The following AKAP6 variants were observed in gnomAD, a reference collection of about 807,000 sequenced individuals.
AKAP6 encodes A-kinase anchoring protein 6.
Under a neutral mutation model 188.5 loss-of-function variants are expected in AKAP6, and 58 were observed. The ratio of observed to expected loss-of-function variants is 0.31; its 90% CI spans 0.25 to 0.38. The LOEUF is 0.38. AKAP6 is among the 10% of genes least tolerant of loss of function. The pLI is 1.00. For synonymous variants in AKAP6, 989 were observed against 998.6 expected, an observed-to-expected ratio of 0.99 and a Z score of 0.18; for missense variants, 2,710 against 2,740.0, an observed-to-expected ratio of 0.99 and a Z score of 0.24.
rs1882502463 is a variant in AKAP6, at chr14:32,533,212, G to A, written c.325-2342G>A. ...AGAGAGAGTGAAATGTGAACCACTT[G>A]CATTCTTCAGTGTAATGTAGAGGAG... On this transcript the variant is annotated intron_variant, in intron 2 of 13. Transcript: ENST00000280979. Among the ~76,000 whole-genome samples the A allele has an allele frequency of 2.0e-5, 3 of 152,168 alleles. No homozygotes were observed. The South Asian group carries it at 6.2e-4, about 32-fold the overall frequency.
intron 12 of AKAP6, among the ~76,000 whole-genome samples, chr14:32,791,141 G>T (rs935837203): frequency 6.6e-6 from 1 of 152,140 alleles, no homozygotes; most frequent in African/African-American, 2.4e-5. Flanking sequence ...TCAGTAATGG[G>T]ATTGCTGGGT....
At chr14:32,454,241 T>C (rs1449412180) in intron 2 of AKAP6, among the ~76,000 whole-genome samples, 1 of 152,206 alleles carries the variant, frequency 6.6e-6, no homozygotes, top group Non-Finnish European at 1.5e-5. Context: ...AAAATATATC[T>C]GATAGAAGCT....
At chr14:32,648,898 A>G (rs1323233411) in intron 7 of AKAP6, among the ~76,000 whole-genome samples, 1 of 152,178 alleles carries the variant, frequency 6.6e-6, no homozygotes, top group Non-Finnish European at 1.5e-5. Flanking sequence ...TTTACCAAAA[A>G]AAAGACATTG....
intron 12 of AKAP6, among the ~76,000 whole-genome samples, chr14:32,816,389 T>G (rs1005054879): frequency 1.3e-5 from 2 of 152,126 alleles, no homozygotes; most frequent in African/African-American, 4.8e-5. Flanking sequence ...TGAGACAGTG[T>G]CTCACTATGT....
At chr14:32,404,621 G>A (rs1889212363) in intron 1 of AKAP6, among the ~76,000 whole-genome samples, 1 of 138,774 alleles carries the variant, frequency 7.2e-6, no homozygotes, top group Non-Finnish European at 1.5e-5. Flanking sequence ...TATTTAAGGA[G>A]GAGAAAATTT....
chr14:32,407,407 G>A (rs974030584), intron 1 of AKAP6, among the ~76,000 whole-genome samples: 1 of 152,176 alleles, frequency 6.6e-6, no homozygotes, highest in East Asian at 1.9e-4. Flanking sequence ...TCGGCTATGT[G>A]TGAGGAGATC....
Position 32,580,549 on chromosome 14 carries a change from C to T in AKAP6, c.2469+3307C>T, listed in dbSNP as rs190197879. On this transcript the variant is annotated intron_variant, in intron 5 of 13. Transcript: ENST00000280979. ...TTTTTTTCCCTTTAGTCACACTCTT[C>T]ATTTTATTTTATTATTATTATACTT... Among the ~76,000 whole-genome samples, 566 of 152,074 alleles carry T rather than the reference C, an allele frequency of 3.7e-3. 5 individuals carry two copies. Among genetic ancestry groups the T allele is most frequent in the African/African-American group, 0.013 (545 of 41,514 alleles).
At position 32,606,398 on chromosome 14, in the gene AKAP6, T is replaced by A. The variant is rs533015209; in HGVS notation, c.2730+5606T>A. ...GCATCTTTAAATTTTATACATTGTC[T>A]CCTTTAAAATGTTCTTATCTTCTCT... On this transcript the variant is annotated intron_variant, in intron 7 of 13. Coordinates refer to ENST00000280979, the MANE Select transcript of AKAP6 (RefSeq NM_004274.5). Among the ~76,000 whole-genome samples, 7 of 152,260 alleles carry A rather than the reference T, an allele frequency of 4.6e-5. No homozygotes were observed. The East Asian group carries it at 1.2e-3, about 25-fold the overall frequency.
intron 1 of AKAP6, among the ~76,000 whole-genome samples, chr14:32,424,559 T>C (rs974285031): frequency 6.6e-6 from 1 of 152,132 alleles, no homozygotes; most frequent in African/African-American, 2.4e-5. Flanking sequence ...ATAGGAAAAT[T>C]TGTGTCATTG....
At chr14:32,658,503 T>A (rs1401782317) in intron 7 of AKAP6, among the ~76,000 whole-genome samples, 1 of 152,116 alleles carries the variant, frequency 6.6e-6, no homozygotes, top group Non-Finnish European at 1.5e-5. Context: ...TCAGATTTTT[T>A]AATGTTGGTT....
Position 32,822,957 on chromosome 14 carries a change from A to G in AKAP6, c.5144A>G (p.Asn1715Ser). Residue 1715 changes from asparagine (N) to serine (S), a missense_variant, in exon 13 of 14, where the codon AAT (asparagine) becomes AGT (serine). Around this residue, in one of 2 missense-constraint regions of AKAP6, gnomAD observed 2,473 missense variants for 2,426.1 expected, o/e 1.02. Coordinates refer to ENST00000280979, the MANE Select transcript of AKAP6 (RefSeq NM_004274.5). ...CACAAGAACAAGATCCCGGAATCGA[A>G]TGCATCGTTCAGGAAGCGTCTGACT... ...VLHKNKIPES[N>S]ASFRKRLTRS... is the part of the protein sequence containing the mutation. The G allele has an allele frequency of 1.9e-6, 3 of 1,613,892 alleles. No homozygotes were observed. The highest frequency in any genetic ancestry group is 2.2e-5 in the East Asian group (1 of 44,862).
At position 32,420,461 on chromosome 14, in the gene AKAP6, T is replaced by C. The variant is rs1448018436; in HGVS notation, c.-34-12999T>C. 2.0e-5 allele frequency among the ~76,000 whole-genome samples: 3 copies of C among 151,570 alleles called. No individual in the cohort carries two copies. In the South Asian group the frequency reaches 6.2e-4, roughly 31 times the overall value. ...TTATTGCAGCATTTAGTGTTTAAAT[T>C]ATTAACACTATTTAAGTGCAGTTGG... On this transcript the variant is annotated intron_variant, in intron 1 of 13. Transcript: ENST00000280979.
At chr14:32,508,659 G>A (rs746114492) in intron 2 of AKAP6, among the ~76,000 whole-genome samples, 6 of 152,036 alleles carry the variant, frequency 3.9e-5, no homozygotes, top group Non-Finnish European at 8.8e-5. Context: ...GCAGCCATAC[G>A]GAATTATGAA....
intron 7 of AKAP6, among the ~76,000 whole-genome samples, chr14:32,655,817 T>C (rs1040892946): frequency 6.6e-6 from 1 of 152,144 alleles, no homozygotes; most frequent in African/African-American, 2.4e-5. Flanking sequence ...AGGGTCAGAC[T>C]GGGGAAAGCG....
At chr14:32,589,515 C>G (rs1042614020) in intron 5 of AKAP6, among the ~76,000 whole-genome samples, 10 of 152,248 alleles carry the variant, frequency 6.6e-5, no homozygotes, top group African/African-American at 2.4e-4. Flanking sequence ...GACTACATTC[C>G]TTTACTCATG....
At chr14:32,493,276 G>A (rs759485331) in intron 2 of AKAP6, among the ~76,000 whole-genome samples, 9 of 152,002 alleles carry the variant, frequency 5.9e-5, no homozygotes, top group African/African-American at 2.2e-4. Flanking sequence ...GTGCGATCAC[G>A]GTGCACTGCA....
intron 9 of AKAP6, among the ~76,000 whole-genome samples, chr14:32,727,382 A>T (rs952647572): frequency 6.6e-6 from 1 of 152,202 alleles, no homozygotes. Context: ...CTGGAGAAAT[A>T]AGTTGCCAGG....
At position 32,600,774 on chromosome 14, in the gene AKAP6, A is replaced by G. The variant is rs1885895068; in HGVS notation, c.2712A>G (p.Glu904=). The part of the protein sequence containing the change: ...LATDVSVEDE[E]GTGSPKAEVQ... Reference sequence around the variant, plus strand: ...CTGATGTGTCTGTGGAGGATGAGGAAGGGACTGGAAGCCCCAAGGTAAGTG... The same window carrying G: ...CTGATGTGTCTGTGGAGGATGAGGAGGGGACTGGAAGCCCCAAGGTAAGTG... Residue 904 remains glutamate, a synonymous_variant, in exon 7 of 14, where the codon GAA becomes GAG. Coordinates refer to ENST00000280979, the MANE Select transcript of AKAP6 (RefSeq NM_004274.5). 7 of 1,608,068 alleles carry G rather than the reference A, an allele frequency of 4.4e-6. No homozygotes were observed. Among genetic ancestry groups the G allele is most frequent in the Non-Finnish European group, 5.9e-6 (7 of 1,177,488 alleles).
chr14:32,823,738 T>C lies in AKAP6; in HGVS notation c.5925T>C (p.Thr1975=). The part of the protein sequence containing the change: ...PNHHHFENQS[T]ASTPTEKSFS... ...ACCACCATTTTGAAAATCAAAGCAC[T>C]GCCTCTACTCCCACTGAGAAGTCTT... Residue 1975 remains threonine (T), a synonymous_variant, in exon 13 of 14, where the codon ACT becomes ACC. Transcript: ENST00000280979. The C allele has an allele frequency of 6.2e-7, 1 of 1,613,698 alleles. No homozygotes were observed. The highest frequency in any genetic ancestry group is 8.5e-7 in the Non-Finnish European group (1 of 1,179,914).
Sources: allele counts gnomAD v4.1 joint callset (sites outside exome capture counted in the v4.1 genomes callset), GRCh38; gene constraint gnomAD v4.1.1; regional missense constraint gnomAD v4.1.1; transcripts MANE v1.5; gene names NCBI Gene and HGNC (gene_info 2026-07-23, HGNC 2026-07-21).